LARP1: variants seen among roughly 807,000 people sequenced by gnomAD.
LARP1 encodes La ribonucleoprotein 1, translational regulator.
A neutral mutation model predicts 122.7 loss-of-function variants in LARP1; 36 were observed. The ratio of observed to expected loss-of-function variants is 0.29; its 90% CI spans 0.22 to 0.39. The LOEUF (loss-of-function observed/expected upper bound fraction) is 0.39, where lower values mean the gene tolerates loss of function less well. Ranked by LOEUF, LARP1 falls within the 10% of genes least tolerant of loss-of-function variation. The probability of loss-of-function intolerance (pLI) is 1.00; values close to 1 mark genes in which losing one functional copy is unlikely to be tolerated. For missense variants in LARP1, 1,040 were observed against 1,403.6 expected (o/e 0.74, Z 4.14); for synonymous variants, 539 against 528.7 (o/e 1.02, Z -0.27).
intron 3 of LARP1, among the ~76,000 whole-genome samples, chr5:154,791,131 G>GTT (rs1370042546): frequency 2.2e-5 from 3 of 134,192 alleles, no homozygotes; most frequent in African/African-American, 8.6e-5. Flanking sequence ...AGTGTTTTTT[G>GTT]TTGTTTTTTT....
chr5:154,690,533 A>C (rs1055861219), intron 1 of LARP1, among the ~76,000 whole-genome samples: 1 of 152,236 alleles, frequency 6.6e-6, no homozygotes, highest in Non-Finnish European at 1.5e-5. Context: ...TGACCATCTC[A>C]GGGTCGCACA....
intron 8 of LARP1, among the ~76,000 whole-genome samples, chr5:154,798,647 G>T (rs79278725): frequency 1.4e-3 from 215 of 152,128 alleles, no homozygotes; most frequent in African/African-American, 4.7e-3. Context: ...GACCACAGAT[G>T]TATGCCAGCG....
In LARP1 at chr5:154,802,305, G is replaced by C; in HGVS notation, c.2015G>C (p.Ser672Thr). The change falls in exon 11 of 19, where the codon AGC (serine) becomes ACC (threonine). Residue 672 changes from serine to threonine, a missense_variant. By Grantham distance (58) the Ser-to-Thr change is moderately conservative. This residue lies in a region of LARP1 where 362 missense variants were observed against 533.1 expected (regional missense o/e 0.68). Transcript: ENST00000518297. This position sits in a 1 kb window ranked among gnomAD's most constrained non-coding sequence, Gnocchi z 5.1. ...TGNHTSRAKM[S>T]AELAKVINDG... ...AACCACACCTCGCGTGCCAAGATGA[G>C]CGCCGAACTGGCCAAGGTCATTAAT... 6.2e-7 allele frequency: 1 copy of C among 1,614,222 alleles called. No individual in the cohort carries two copies. Among genetic ancestry groups the C allele is most frequent in the Non-Finnish European group, 8.5e-7 (1 of 1,180,038 alleles).
chr5:154,805,767 G>T, intron 14 of LARP1, 114 bp from the exon 15 acceptor site: 3 of 1,128,948 alleles, frequency 2.7e-6, no homozygotes, highest in Non-Finnish European at 1.3e-6. Flanking sequence ...CTCCTTGTTT[G>T]ATACCCTGTG....
intron 1 of LARP1, among the ~76,000 whole-genome samples, chr5:154,762,162 G>A (rs1023078158): frequency 6.6e-6 from 1 of 152,280 alleles, no homozygotes; most frequent in South Asian, 2.1e-4. Context: ...AGAATTGCTC[G>A]AACCGGGGAG....
At chr5:154,692,072 A>G (rs2112146) in intron 1 of LARP1, among the ~76,000 whole-genome samples, 101,323 of 152,184 alleles carry the variant, frequency 0.67, 33,994 homozygotes, top group Non-Finnish European at 0.7. Flanking sequence ...GAATACAGGC[A>G]TGAGCCACCG....
At chr5:154,710,611 C>T (rs538556469), upstream of LARP1, among the ~76,000 whole-genome samples, 36 of 151,968 alleles carry the variant, frequency 2.4e-4, no homozygotes, top group South Asian at 6.2e-3. Flanking sequence ...GGCATGGTGG[C>T]GTGCACCTAT....
chr5:154,804,325 G>A lies in LARP1; in HGVS notation c.2546+18G>A. The A allele has an allele frequency of 1.3e-6, 2 of 1,583,308 alleles. No homozygotes were observed. The highest frequency in any genetic ancestry group is 1.1e-5 in the South Asian group (1 of 90,456). On this transcript the variant is annotated intron_variant, in intron 14 of 18. Coordinates refer to ENST00000518297, the MANE Select transcript of LARP1 (RefSeq NM_033551.3). ...TCCATCAGGTACCTGGGGCAGTGGG[G>A]GAAGAGTGATCAGGCTGCCTATGGG... is the stretch of plus-strand genomic sequence containing the variant.
chr5:154,772,131 G>A (rs1026435002), intron 1 of LARP1, among the ~76,000 whole-genome samples: 3 of 152,192 alleles, frequency 2.0e-5, no homozygotes, highest in Non-Finnish European at 2.9e-5. Context: ...TGATGAGATT[G>A]TGTATCTTTC....
intron 1 of LARP1, among the ~76,000 whole-genome samples, chr5:154,732,183 AC>A (rs770822089): frequency 3.8e-4 from 15 of 39,132 alleles, no homozygotes; most frequent in African/African-American, 6.0e-4. Flanking sequence ...ACAAAACAAA[AC>A]AAAACAAAAA....
intron 1 of LARP1, among the ~76,000 whole-genome samples, chr5:154,721,058 G>C (rs999954670): frequency 2.0e-5 from 3 of 151,658 alleles, no homozygotes; most frequent in Non-Finnish European, 4.4e-5. Context: ...AAAAAAAGAG[G>C]GGTGCTGGGC....
At chr5:154,768,734 A>G (rs1488362109) in intron 1 of LARP1, among the ~76,000 whole-genome samples, 2 of 152,134 alleles carry the variant, frequency 1.3e-5, no homozygotes, top group Admixed American at 6.5e-5. Flanking sequence ...GGCACGCGCC[A>G]CCATGCCCGG....
At chr5:154,747,843 G>T (rs188072160) in intron 1 of LARP1, among the ~76,000 whole-genome samples, 85 of 151,946 alleles carry the variant, frequency 5.6e-4, no homozygotes, top group African/African-American at 1.9e-3. Context: ...CAGCCTGGGC[G>T]ACAGAGTGAG....
intron 1 of LARP1, among the ~76,000 whole-genome samples, chr5:154,731,417 A>G (rs1225003795): frequency 6.6e-6 from 1 of 152,214 alleles, no homozygotes; most frequent in East Asian, 1.9e-4. Context: ...CCTTAGCATA[A>G]CCGTATTGCT....
chr5:154,811,125 G>C, intron 16 of LARP1, 122 bp from the exon 17 acceptor site: 1 of 725,986 alleles, frequency 1.4e-6, no homozygotes, highest in Non-Finnish European at 2.3e-6. Context: ...CGTGTATGCT[G>C]TTTTTTCAAT....
intron 1 of LARP1, among the ~76,000 whole-genome samples, chr5:154,789,198 G>A (rs570927149): frequency 7.4e-5 from 11 of 148,212 alleles, no homozygotes; most frequent in African/African-American, 2.5e-4. Context: ...GTGACAGAGC[G>A]AGACTCTGTC....
In LARP1 at chr5:154,800,006, G is replaced by A. The variant is rs1429456333; in HGVS notation, c.1680G>A (p.Val560=). The A allele has an allele frequency of 6.2e-7, 1 of 1,614,152 alleles. No homozygotes were observed. The highest frequency in any genetic ancestry group is 2.2e-5 in the East Asian group (1 of 44,888). The stretch of plus-strand genomic sequence containing the variant: ...TGGATTCTGAGAACTGGATTGAAGT[G>A]AAGAAGAGGCCTCGGCCATCCCCAG... ...PDLDSENWIE[V]KKRPRPSPAR... Residue 560 remains valine (V), a synonymous_variant, in exon 10 of 19, where the codon GTG becomes GTA. Coordinates refer to ENST00000518297, the MANE Select transcript of LARP1 (RefSeq NM_033551.3).
chr5:154,800,618 A>G (rs1561622688), intron 10 of LARP1, among the ~76,000 whole-genome samples: 1 of 152,210 alleles, frequency 6.6e-6, no homozygotes, highest in Non-Finnish European at 1.5e-5. Flanking sequence ...TAGTTTATAT[A>G]TATAAACAGA....
upstream of LARP1, among the ~76,000 whole-genome samples, chr5:154,755,151 T>C (rs1431794545): frequency 3.4e-5 from 5 of 149,036 alleles, no homozygotes; most frequent in Admixed American, 2.7e-4. Context: ...GCCCGGGAGG[T>C]GCTCTGAGGA....
Sources: allele counts gnomAD v4.1 joint callset (sites outside exome capture counted in the v4.1 genomes callset), GRCh38; gene constraint gnomAD v4.1.1; regional missense constraint gnomAD v4.1.1; non-coding constraint Gnocchi (gnomAD v3.1); transcripts MANE v1.5; gene names NCBI Gene and HGNC (gene_info 2026-07-23, HGNC 2026-07-21).